Variants in GPC5 observed in about 807,000 individuals in gnomAD.
The protein encoded by GPC5 is glypican-5.
Under a neutral mutation model 53.9 loss-of-function variants are expected in GPC5, and 47 were observed. The observed-to-expected ratio is 0.87, with a 90% CI of 0.69 to 1.11. GPC5 has a LOEUF of 1.11. Ranked by LOEUF, GPC5 falls within the 50% of genes most tolerant of loss-of-function variation. GPC5 has a pLI of 0.00. For missense variants in GPC5, 748 were observed against 713.1 expected (o/e 1.05, Z -0.56); for synonymous variants, 286 against 263.3 (o/e 1.09, Z -0.84).
chr13:92,537,798 G>A (rs9301818), intron 7 of GPC5, among the ~76,000 whole-genome samples: 11,519 of 152,050 alleles, frequency 0.076, 1,318 homozygotes, highest in African/African-American at 0.25. Flanking sequence ...CAAAGTTGAC[G>A]CTAGTTGCAT....
chr13:91,668,922 G>A (rs965540325), intron 2 of GPC5, among the ~76,000 whole-genome samples: 6 of 152,136 alleles, frequency 3.9e-5, no homozygotes, highest in African/African-American at 1.2e-4. Context: ...TTTTTATAAA[G>A]TGAAAATAGG....
intron 2 of GPC5, among the ~76,000 whole-genome samples, chr13:91,473,735 C>A (rs1400098514): frequency 6.6e-6 from 1 of 152,080 alleles, no homozygotes; most frequent in Non-Finnish European, 1.5e-5. Flanking sequence ...TAGTAAGAAA[C>A]CTGTTTATGA....
intron 6 of GPC5, among the ~76,000 whole-genome samples, chr13:92,118,049 C>T (rs928338955): frequency 6.6e-6 from 1 of 152,034 alleles, no homozygotes; most frequent in African/African-American, 2.4e-5. Flanking sequence ...ATCAGAGAGT[C>T]GCCATTAAGT....
intron 7 of GPC5, among the ~76,000 whole-genome samples, chr13:92,422,566 G>T (rs1410337123): frequency 6.7e-6 from 1 of 150,360 alleles, no homozygotes; most frequent in African/African-American, 2.5e-5. Flanking sequence ...CCCCATTGTA[G>T]TCATGACGAG....
chr13:91,440,255 C>T (rs1234190037), intron 1 of GPC5, among the ~76,000 whole-genome samples: 5 of 152,072 alleles, frequency 3.3e-5, no homozygotes, highest in African/African-American at 4.8e-5. Flanking sequence ...CCCACAGGTC[C>T]GTAAGGCTTG....
intron 2 of GPC5, among the ~76,000 whole-genome samples, chr13:91,609,591 A>T (rs938011665): frequency 2.6e-5 from 4 of 152,210 alleles, no homozygotes; most frequent in African/African-American, 9.7e-5. Flanking sequence ...TTCACTCAAG[A>T]TGTCAGGCAA....
intron 5 of GPC5, among the ~76,000 whole-genome samples, chr13:91,852,071 G>A (rs61967098): frequency 4.6e-5 from 7 of 151,688 alleles, no homozygotes; most frequent in African/African-American, 9.7e-5. Context: ...CTGAGGAATC[G>A]CCACACTGAC....
At chr13:92,458,455 T>C (rs1342470949) in intron 7 of GPC5, among the ~76,000 whole-genome samples, 1 of 151,952 alleles carries the variant, frequency 6.6e-6, no homozygotes, top group Non-Finnish European at 1.5e-5. Context: ...CCTACCACCA[T>C]GCCTGGCTAA....
chr13:92,327,836 C>G (rs2043262531), intron 7 of GPC5, among the ~76,000 whole-genome samples: 1 of 152,148 alleles, frequency 6.6e-6, no homozygotes, highest in Non-Finnish European at 1.5e-5. Context: ...TTCTCACTCA[C>G]TTCCCAAACA....
chr13:91,546,341 G>A (rs940859251), intron 2 of GPC5, among the ~76,000 whole-genome samples: 4 of 151,958 alleles, frequency 2.6e-5, no homozygotes, highest in Non-Finnish European at 5.9e-5. Flanking sequence ...ATGTCTAGGT[G>A]AGTAAACAAA....
At chr13:92,755,721 A>C (rs1390216617) in intron 7 of GPC5, among the ~76,000 whole-genome samples, 2 of 138,932 alleles carry the variant, frequency 1.4e-5, no homozygotes, top group Non-Finnish European at 3.1e-5. Flanking sequence ...AATAAACTAG[A>C]AAATCTAGAA....
At chr13:92,021,662 T>G (rs899418272) in intron 6 of GPC5, among the ~76,000 whole-genome samples, 2 of 152,216 alleles carry the variant, frequency 1.3e-5, no homozygotes, top group African/African-American at 4.8e-5. Context: ...TACTTACAGC[T>G]ATTTTCATAA....
At chr13:91,870,463 G>C (rs559547001) in intron 5 of GPC5, among the ~76,000 whole-genome samples, 7 of 152,218 alleles carry the variant, frequency 4.6e-5, no homozygotes, top group Admixed American at 2.0e-4. Flanking sequence ...CACTTTAAGG[G>C]CTAGCCTTTA....
At chr13:92,356,266 AG>A (rs2043521671) in intron 7 of GPC5, among the ~76,000 whole-genome samples, 1 of 152,174 alleles carries the variant, frequency 6.6e-6, no homozygotes, top group Non-Finnish European at 1.5e-5. Flanking sequence ...GGAATGAACC[AG>A]AGAAAGAGAT....
chr13:91,487,880 T>C (rs1361612425), intron 2 of GPC5, among the ~76,000 whole-genome samples: 1 of 152,066 alleles, frequency 6.6e-6, no homozygotes, highest in Admixed American at 6.6e-5. Flanking sequence ...CAGAAAGTAT[T>C]TGCCAAGAGA....
chr13:92,347,664 A>G (rs1319912165), intron 7 of GPC5, among the ~76,000 whole-genome samples: 2 of 149,858 alleles, frequency 1.3e-5, no homozygotes, highest in African/African-American at 2.5e-5. Flanking sequence ...GATCACAGGT[A>G]ATTTTATCCC....
At chr13:91,457,711 A>C (rs1399088581) in intron 2 of GPC5, among the ~76,000 whole-genome samples, 2 of 152,154 alleles carry the variant, frequency 1.3e-5, no homozygotes, top group Non-Finnish European at 2.9e-5. Flanking sequence ...TTAATAGTAA[A>C]ACTTGTATCT....
chr13:92,030,217 C>G (rs2040830149), intron 6 of GPC5, among the ~76,000 whole-genome samples: 2 of 152,170 alleles, frequency 1.3e-5, no homozygotes, highest in Non-Finnish European at 2.9e-5. Flanking sequence ...TTCTGACTCT[C>G]TGTCCATAGC....
intron 7 of GPC5, among the ~76,000 whole-genome samples, chr13:92,433,673 C>G (rs1378201634): frequency 1.3e-5 from 2 of 152,008 alleles, no homozygotes; most frequent in Non-Finnish European, 2.9e-5. Flanking sequence ...GAGAAATCAA[C>G]TAAACTGATG....
Sources: allele counts gnomAD v4.1 joint callset (sites outside exome capture counted in the v4.1 genomes callset), GRCh38; gene constraint gnomAD v4.1.1; transcripts MANE v1.5; gene names NCBI Gene and HGNC (gene_info 2026-07-23, HGNC 2026-07-21).